The following CASR variants were observed in gnomAD, a reference collection of about 807,000 sequenced individuals.
CASR encodes the protein extracellular calcium-sensing receptor.
A neutral mutation model predicts 69.1 loss-of-function variants in CASR; 23 were observed. The ratio of observed to expected loss-of-function variants is 0.33; its 90% CI spans 0.24 to 0.47. The LOEUF (loss-of-function observed/expected upper bound fraction) is 0.47, where lower values mean the gene tolerates loss of function less well. Among genes scored for constraint, CASR ranks in the 20% least tolerant of loss-of-function variants. CASR has a pLI of 1.00. For missense variants in CASR, 924 were observed against 1,356.1 expected (o/e 0.68, Z 5.00); for synonymous variants, 541 against 544.7 (o/e 0.99, Z 0.10).
chr3:122,219,090 T>C lies in CASR; in HGVS notation c.-242-34858T>C, dbSNP rs1005325006. On this transcript the variant is annotated intron_variant, in intron 1 of 6. Coordinates refer to ENST00000639785, the MANE Select transcript of CASR (RefSeq NM_000388.4). ...TGTATAAAATGGGGTGGTAGGTCAT[T>C]TGTAGGTCATACTGAAGATTTTGGA... Among the ~76,000 whole-genome samples the C allele has an allele frequency of 2.0e-5, 3 of 152,178 alleles. No individual in the cohort carries two copies. The South Asian group carries it at 6.2e-4, about 32-fold the overall frequency.
In CASR at chr3:122,284,773, A is replaced by G. The variant is rs1293909274; in HGVS notation, c.2819A>G (p.Gln940Arg). The G allele has an allele frequency of 6.2e-7, 1 of 1,614,132 alleles. No homozygotes were observed. The highest frequency in any genetic ancestry group is 8.5e-7 in the Non-Finnish European group (1 of 1,180,016). ...QKQQQPLALT[Q>R]QEQQQQPLTL... is the part of the protein sequence containing the mutation. ...CAGCAGCAGCCGCTGGCCCTAACCC[A>G]GCAAGAGCAGCAGCAGCAGCCCCTG... The change falls in exon 7 of 7, where the codon CAG becomes CGG. Residue 940 changes from glutamine (Q) to arginine (R), a missense_variant. This residue lies in a region of CASR where 201 missense variants were observed against 228.8 expected (regional missense o/e 0.88). Coordinates refer to ENST00000639785, the MANE Select transcript of CASR (RefSeq NM_000388.4).
intron 5 of CASR, among the ~76,000 whole-genome samples, chr3:122,279,854 T>C (rs2074866766): frequency 6.6e-6 from 1 of 152,168 alleles, no homozygotes; most frequent in Non-Finnish European, 1.5e-5. Context: ...GTTTATTACA[T>C]AGGTAAATGT....
chr3:122,229,525 G>C (rs1198373406), intron 1 of CASR, among the ~76,000 whole-genome samples: 1 of 150,190 alleles, frequency 6.7e-6, no homozygotes, highest in African/African-American at 2.5e-5. Context: ...TTCCAATGTG[G>C]TTTAGTTTAC....
intron 4 of CASR, among the ~76,000 whole-genome samples, chr3:122,272,631 CTGCTTCATTGAATATTTA>C (rs2107641028): frequency 1.3e-5 from 2 of 152,306 alleles, no homozygotes; most frequent in South Asian, 4.1e-4. Context: ...GCACTGTTTA[CTGCTTCATTGAATATTTA>C]TGTCGTGCAT....
intron 4 of CASR, among the ~76,000 whole-genome samples, chr3:122,271,786 A>C (rs113112252): frequency 6.6e-6 from 1 of 152,156 alleles, no homozygotes; most frequent in African/African-American, 2.4e-5. Context: ...TCTTAGACAA[A>C]CACTGATCTA....
chr3:122,263,855 C>T (rs2074656078), intron 4 of CASR, among the ~76,000 whole-genome samples: 1 of 152,032 alleles, frequency 6.6e-6, no homozygotes, highest in African/African-American at 2.4e-5. Context: ...AGTGATGATG[C>T]TAAGGTATGG....
intron 1 of CASR, among the ~76,000 whole-genome samples, chr3:122,203,830 A>G (rs796242271): frequency 2.6e-5 from 4 of 152,362 alleles, no homozygotes; most frequent in African/African-American, 9.6e-5. Flanking sequence ...TCATAATTTT[A>G]TGGGACCACC....
chr3:122,223,150 C>T (rs1471943118), intron 1 of CASR, among the ~76,000 whole-genome samples: 2 of 151,984 alleles, frequency 1.3e-5, no homozygotes, highest in African/African-American at 4.8e-5. Context: ...TAACATCACA[C>T]CAAGAAGAAC....
In CASR at chr3:122,231,758, C is replaced by CA. The variant is rs11287887; in HGVS notation, c.-242-22176dup. The stretch of plus-strand genomic sequence containing the variant: ...ACACCCATTACCCCCCTCCCACTCA[C>CA]AAAAAAAAAAAAAATCAAAGAACTC... On this transcript the variant is annotated intron_variant, in intron 1 of 6. Transcript: ENST00000639785. Among the ~76,000 whole-genome samples the CA allele has an allele frequency of 2.5e-3, 364 of 147,252 alleles. 1 individual carries two copies. The highest frequency in any genetic ancestry group is 8.0e-3 in the African/African-American group (317 of 39,800).
At position 122,289,006 on chromosome 3, in the gene CASR, AAT is replaced by A. The variant is rs1172210728; in HGVS notation, c.*3816_*3817del. 1 of 152,118 alleles carries A rather than the reference AAT, an allele frequency of 6.6e-6. No homozygotes were observed. Among genetic ancestry groups the A allele is most frequent in the Admixed American group, 6.5e-5 (1 of 15,270 alleles). The allele number at this position is 152,118 out of a possible 1,614,324, so 9.4% of individuals were successfully genotyped here. ...TCGTCACACGTTGTCTAATTGCATT[AAT>A]TTTGATTTTGGGGAAGTTGGGGCTA... On this transcript the variant is annotated 3_prime_UTR_variant, in exon 7 of 7. Coordinates refer to ENST00000639785, the MANE Select transcript of CASR (RefSeq NM_000388.4).
intron 3 of CASR, 76 bp downstream of exon 3, chr3:122,257,463 C>A: frequency 9.4e-7 from 1 of 1,059,350 alleles, no homozygotes; most frequent in Non-Finnish European, 1.4e-6. Context: ...TGCCCAATAG[C>A]CATACGGTTT....
At chr3:122,225,257 C>T (rs2074211073) in intron 1 of CASR, among the ~76,000 whole-genome samples, 1 of 151,330 alleles carries the variant, frequency 6.6e-6, no homozygotes. Context: ...GCACAGCAAA[C>T]AAAACTATCA....
intron 3 of CASR, among the ~76,000 whole-genome samples, chr3:122,259,606 A>G (rs992815277): frequency 5.3e-5 from 8 of 151,464 alleles, no homozygotes; most frequent in African/African-American, 1.9e-4. Flanking sequence ...ACTATCCATC[A>G]ATAAGAAGAA....
intron 1 of CASR, among the ~76,000 whole-genome samples, chr3:122,215,670 G>T (rs2074110826): frequency 6.6e-6 from 1 of 152,128 alleles, no homozygotes; most frequent in African/African-American, 2.4e-5. Context: ...TTCCACCTTG[G>T]AAAAAGGATT....
At chr3:122,210,112 C>T (rs2074048041) in intron 1 of CASR, among the ~76,000 whole-genome samples, 1 of 152,162 alleles carries the variant, frequency 6.6e-6, no homozygotes, top group Admixed American at 6.5e-5. Flanking sequence ...CTATTTATGG[C>T]AAACCCACAG....
intron 1 of CASR, among the ~76,000 whole-genome samples, chr3:122,218,395 G>A (rs918387113): frequency 3.3e-5 from 5 of 152,014 alleles, no homozygotes; most frequent in South Asian, 4.2e-4. Context: ...TTAGCCAGGC[G>A]GTGTGGCAGG....
intron 1 of CASR, among the ~76,000 whole-genome samples, chr3:122,252,403 G>GAGA (rs2074498521): frequency 1.5e-4 from 2 of 13,716 alleles, no homozygotes; most frequent in South Asian, 3.9e-3. Flanking sequence ...AGGAAGGAAG[G>GAGA]AAGGAAAAAG....
chr3:122,225,601 G>A (rs1207661755), intron 1 of CASR, among the ~76,000 whole-genome samples: 3 of 149,176 alleles, frequency 2.0e-5, no homozygotes, highest in Non-Finnish European at 3.0e-5. Context: ...GCAGAGAAAA[G>A]GGAACACTTA....
intron 1 of CASR, among the ~76,000 whole-genome samples, chr3:122,209,136 C>G (rs1349573445): frequency 6.6e-6 from 1 of 152,146 alleles, no homozygotes; most frequent in Non-Finnish European, 1.5e-5. Context: ...CTCAGTAGGT[C>G]TGAAAATTTG....
Sources: allele counts gnomAD v4.1 joint callset (sites outside exome capture counted in the v4.1 genomes callset), GRCh38; gene constraint gnomAD v4.1.1; regional missense constraint gnomAD v4.1.1; transcripts MANE v1.5; gene names NCBI Gene and HGNC (gene_info 2026-07-23, HGNC 2026-07-21).